Variants in SYMPK observed in about 807,000 individuals in gnomAD.
SYMPK encodes symplekin scaffold protein.
Under a neutral mutation model 136.4 loss-of-function variants are expected in SYMPK, and 49 were observed. The ratio of observed to expected loss-of-function variants is 0.36; its 90% confidence interval spans 0.29 to 0.46. The LOEUF is 0.46. SYMPK is among the 20% of genes least tolerant of loss of function. The probability of loss-of-function intolerance (pLI) is 1.00; values close to 1 mark genes in which losing one functional copy is unlikely to be tolerated. For missense variants in SYMPK, 1,365 were observed against 1,690.0 expected, an observed-to-expected ratio of 0.81 and a Z score of 3.37; for synonymous variants, 766 against 713.0, an observed-to-expected ratio of 1.07 and a Z score of -1.19.
chr19:45,821,202 G>A lies in SYMPK; in HGVS notation c.2893+182C>T, dbSNP rs778124843. ...AGGAAGGAAGGAGGAGGGAGGGAGG[G>A]AGGGAGGGAAGAGGAGGCAAGAAAA... On this transcript the variant is annotated intron_variant, in intron 22 of 26. Transcript: ENST00000245934. The surrounding 1 kb of genome is among the most constrained non-coding windows in gnomAD (Gnocchi z 4.4). The A allele has an allele frequency of 1.4e-6, 1 of 692,358 alleles. No homozygotes were observed. The highest frequency in any genetic ancestry group is 2.1e-5 in the Admixed American group (1 of 47,252). The allele number at this position is 692,358 out of a possible 1,614,324, so 42.9% of individuals were successfully genotyped here. A position where few individuals can be genotyped will look rare whatever the true frequency, so the allele number is the denominator to read the frequency against.
chr19:45,842,591 C>T (rs958418756), intron 8 of SYMPK, 102 bp from the exon 9 acceptor site: 35 of 1,518,174 alleles, frequency 2.3e-5, no homozygotes, highest in Non-Finnish European at 2.8e-5. Flanking sequence ...TTGCAGGCAT[C>T]TACTAGAAAA....
chr19:45,849,454 A>G (rs1971646559), intron 5 of SYMPK, among the ~76,000 whole-genome samples: 1 of 152,206 alleles, frequency 6.6e-6, no homozygotes, highest in Non-Finnish European at 1.5e-5. Flanking sequence ...CCTCCAACAA[A>G]TGTTCAATGA....
intron 14 of SYMPK, chr19:45,828,728 C>A: frequency 1.8e-6 from 1 of 565,558 alleles, no homozygotes; most frequent in South Asian, 2.1e-5. Flanking sequence ...CCACGCAGAG[C>A]AAGCTCAGAG....
intron 5 of SYMPK, among the ~76,000 whole-genome samples, chr19:45,850,077 AC>A (rs1971663410): frequency 6.6e-6 from 1 of 151,896 alleles, no homozygotes; most frequent in South Asian, 2.1e-4. Flanking sequence ...ACAAAAAAAA[AC>A]AACAACAGAA....
intron 1 of SYMPK, among the ~76,000 whole-genome samples, chr19:45,859,076 G>A (rs1971900098): frequency 6.6e-6 from 1 of 152,092 alleles, no homozygotes; most frequent in Non-Finnish European, 1.5e-5. Flanking sequence ...CCCCGGCCTA[G>A]AACAGGGATT....
At chr19:45,826,799 T>TGGCCAG (rs768001170) in intron 16 of SYMPK, among the ~76,000 whole-genome samples, 9 of 152,088 alleles carry the variant, frequency 5.9e-5, no homozygotes, top group Admixed American at 1.3e-4. Flanking sequence ...CACATGGCCA[T>TGGCCAG]GGCCAGGGCC....
chr19:45,850,693 T>C (rs1031587073), intron 5 of SYMPK, among the ~76,000 whole-genome samples: 2 of 152,068 alleles, frequency 1.3e-5, no homozygotes, highest in African/African-American at 4.8e-5. Context: ...GTGCAACAAA[T>C]ACGTAGTCAG....
rs777771982 is a variant in SYMPK, at chr19:45,831,597, G to A, written c.1394-9C>T. Reference sequence around the variant, plus strand: ...TTTGGTCTGCTCTACACCTGAGGGGGAGGCAGCAAACAGACACCCAGTGCG... The same window carrying A: ...TTTGGTCTGCTCTACACCTGAGGGGAAGGCAGCAAACAGACACCCAGTGCG... On this transcript the variant is annotated splice_polypyrimidine_tract_variant and intron_variant, in intron 11 of 26. Coordinates refer to ENST00000245934, the MANE Select transcript of SYMPK (RefSeq NM_004819.3). 3.1e-5 allele frequency: 49 copies of A among 1,575,442 alleles called. No individual in the cohort carries two copies. In the South Asian group the frequency reaches 4.2e-4, roughly 14 times the overall value.
intron 14 of SYMPK, chr19:45,828,701 G>T: frequency 1.9e-6 from 1 of 527,398 alleles, no homozygotes; most frequent in Non-Finnish European, 3.4e-6. Flanking sequence ...AAATGGCAGA[G>T]AGAGGGAGTG....
chr19:45,848,607 C>G (rs1172134082), intron 6 of SYMPK, 143 bp downstream of exon 6: 1 of 1,155,854 alleles, frequency 8.7e-7, no homozygotes, highest in African/African-American at 1.5e-5. Flanking sequence ...AACGTTAGCT[C>G]TCCATGTTAT....
At chr19:45,847,630 C>G in intron 7 of SYMPK, 122 bp downstream of exon 7, 1 of 1,232,840 alleles carries the variant, frequency 8.1e-7, no homozygotes. Context: ...GGGATCTTAA[C>G]TACTGCACAC....
intron 16 of SYMPK, 120 bp from the exon 17 acceptor site, chr19:45,826,493 G>T: frequency 9.2e-7 from 1 of 1,088,200 alleles, no homozygotes; most frequent in Non-Finnish European, 1.3e-6. Context: ...GGGCAGCCCA[G>T]CTGTTACCAG....
chr19:45,853,636 C>T (rs751714295), intron 3 of SYMPK, among the ~76,000 whole-genome samples: 32 of 151,568 alleles, frequency 2.1e-4, no homozygotes, highest in Non-Finnish European at 4.0e-4. Context: ...AAAAGAGATG[C>T]TCTGCCTCTC....
At position 45,852,592 on chromosome 19, in the gene SYMPK, C is replaced by G. The variant is rs879099354; in HGVS notation, c.172-57G>C. ...TACCCATATAAAACGAGGGGCCAAT[C>G]AATGCAGACAGGAGAGTAGAGGGGA... is the stretch of plus-strand genomic sequence containing the variant. On this transcript the variant is annotated intron_variant, in intron 3 of 26. Transcript: ENST00000245934. The G allele has an allele frequency of 6.3e-6, 10 of 1,596,842 alleles. No individual in the cohort carries two copies. The South Asian group carries it at 7.7e-5, about 12-fold the overall frequency.
At chr19:45,817,413 T>TTC (rs754419659) in intron 23 of SYMPK, among the ~76,000 whole-genome samples, 4 of 122,370 alleles carry the variant, frequency 3.3e-5, no homozygotes, top group African/African-American at 6.4e-5. Flanking sequence ...GGTTTTTTTG[T>TTC]TCTCTTTTTT....
At chr19:45,831,986 C>T (rs540881545) in intron 11 of SYMPK, among the ~76,000 whole-genome samples, 4 of 151,966 alleles carry the variant, frequency 2.6e-5, no homozygotes, top group East Asian at 1.9e-4. Flanking sequence ...GGACTACAGG[C>T]GCATGCCAAC....
At chr19:45,833,438 A>G (rs1971234139) in intron 11 of SYMPK, among the ~76,000 whole-genome samples, 1 of 151,994 alleles carries the variant, frequency 6.6e-6, no homozygotes, top group African/African-American at 2.4e-5. Context: ...CGTCTCTACT[A>G]AAAATACAAT....
chr19:45,819,497 T>A (rs1970839445), intron 22 of SYMPK: 1 of 152,590 alleles, frequency 6.6e-6, no homozygotes, highest in Non-Finnish European at 1.5e-5. Context: ...CCTTCCTTGG[T>A]CTCAGCCTGA....
At chr19:45,846,443 T>G (rs1314817985) in intron 7 of SYMPK, among the ~76,000 whole-genome samples, 1 of 152,164 alleles carries the variant, frequency 6.6e-6, no homozygotes, top group African/African-American at 2.4e-5. Flanking sequence ...CCAGCCATAT[T>G]AATACACCAA....
Sources: allele counts gnomAD v4.1 joint callset (sites outside exome capture counted in the v4.1 genomes callset), GRCh38; gene constraint gnomAD v4.1.1; non-coding constraint Gnocchi (gnomAD v3.1); transcripts MANE v1.5; gene names NCBI Gene and HGNC (gene_info 2026-07-23, HGNC 2026-07-21).